CAMK2B: variants seen among roughly 807,000 people sequenced by gnomAD.
The protein encoded by CAMK2B is calcium/calmodulin dependent protein kinase II beta, also known as calcium/calmodulin-dependent protein kinase type II subunit beta.
In CAMK2B, 27 loss-of-function variants were observed where a neutral mutation model predicts 93.7. That is an observed-to-expected ratio of 0.29 (90% CI 0.21 to 0.40). The LOEUF is 0.40. Among genes scored for constraint, CAMK2B ranks in the 10% least tolerant of loss-of-function variants. The pLI, the probability that CAMK2B is intolerant of heterozygous loss-of-function variation, is 1.00. For synonymous variants in CAMK2B, 374 were observed against 358.8 expected (o/e 1.04, Z -0.48); for missense variants, 568 against 895.8 (o/e 0.63, Z 4.67).
chr7:44,280,732 G>A (rs1341046150), intron 2 of CAMK2B, among the ~76,000 whole-genome samples: 10 of 152,140 alleles, frequency 6.6e-5, no homozygotes, highest in Admixed American at 2.0e-4. Context: ...AGCAGCCTTC[G>A]TTCAACAGAA....
chr7:44,261,843 G>T (rs2096881435), intron 3 of CAMK2B, among the ~76,000 whole-genome samples: 1 of 152,202 alleles, frequency 6.6e-6, no homozygotes, highest in African/African-American at 2.4e-5. Context: ...AACAAATAAA[G>T]TCCTGGGTTA....
intron 1 of CAMK2B, among the ~76,000 whole-genome samples, chr7:44,301,955 C>T (rs1427379286): frequency 6.6e-6 from 1 of 151,476 alleles, no homozygotes; most frequent in Non-Finnish European, 1.5e-5. Context: ...ATCAACAAAG[C>T]CAACAGCTAG....
intron 3 of CAMK2B, among the ~76,000 whole-genome samples, chr7:44,261,108 T>C (rs1001038047): frequency 6.6e-6 from 1 of 152,204 alleles, no homozygotes; most frequent in Non-Finnish European, 1.5e-5. Context: ...TAGGCTCCCA[T>C]TCTACCCAGG....
chr7:44,239,035 A>G (rs1459079441), intron 13 of CAMK2B, among the ~76,000 whole-genome samples: 1 of 152,184 alleles, frequency 6.6e-6, no homozygotes, highest in Non-Finnish European at 1.5e-5. Flanking sequence ...CCCAAGAGGA[A>G]GCCTTGAAAG....
At chr7:44,303,282 A>T (rs975444071) in intron 1 of CAMK2B, among the ~76,000 whole-genome samples, 1 of 152,200 alleles carries the variant, frequency 6.6e-6, no homozygotes, top group Admixed American at 6.5e-5. Flanking sequence ...GAGGCATCCC[A>T]TGTTCATTAA....
chr7:44,235,447 G>T (rs753719527), intron 13 of CAMK2B, among the ~76,000 whole-genome samples: 1 of 152,182 alleles, frequency 6.6e-6, no homozygotes, highest in Non-Finnish European at 1.5e-5. Context: ...CCCAGCCCCC[G>T]GTGCCCACAC....
At chr7:44,322,521 TA>T (rs577052942) in intron 1 of CAMK2B, among the ~76,000 whole-genome samples, 1 of 152,156 alleles carries the variant, frequency 6.6e-6, no homozygotes, top group East Asian at 1.9e-4. Context: ...TTATCCAATA[TA>T]AAAAAAATAA....
chr7:44,274,252 G>A (rs1477765189), intron 2 of CAMK2B, among the ~76,000 whole-genome samples: 3 of 152,142 alleles, frequency 2.0e-5, no homozygotes, highest in African/African-American at 2.4e-5. Context: ...CCTCAGAGCC[G>A]CTGTGCAGAC....
At chr7:44,252,247 T>A (rs985143354) in intron 5 of CAMK2B, among the ~76,000 whole-genome samples, 1 of 151,756 alleles carries the variant, frequency 6.6e-6, no homozygotes, top group Non-Finnish European at 1.5e-5. Flanking sequence ...CCTGGGGCGG[T>A]GAGGGGTGCA....
rs76880722 is a variant in CAMK2B, at chr7:44,263,821, G to A, written c.161-757C>T. Reference sequence around the variant, plus strand: ...TCCACTGACAGAGGGAGGACTCCATGCGCTGCAGTCACACAGGGTCCCATA... The same window carrying A: ...TCCACTGACAGAGGGAGGACTCCATACGCTGCAGTCACACAGGGTCCCATA... On this transcript the variant is annotated intron_variant, in intron 2 of 23. Coordinates refer to ENST00000395749, the MANE Select transcript of CAMK2B (RefSeq NM_001220.5). 590 of 154,354 alleles carry A rather than the reference G, an allele frequency of 3.8e-3. 3 individuals carry two copies. The highest frequency in any genetic ancestry group is 0.013 in the African/African-American group (555 of 41,632). The allele number at this position is 154,354 out of a possible 1,614,324, so 9.6% of individuals were successfully genotyped here.
In CAMK2B at chr7:44,312,849, A is replaced by G. The variant is rs141929452; in HGVS notation, c.65+12508T>C. Among the ~76,000 whole-genome samples, 68 of 152,272 alleles carry G rather than the reference A, an allele frequency of 4.5e-4. No homozygotes were observed. The highest frequency in any genetic ancestry group is 1.4e-3 in the African/African-American group (57 of 41,544). ...GGCATGCAGAGGAGTTGTGAAAAGC[A>G]TCAAAATCACTGCTTTTCTCAGGGT... On this transcript the variant is annotated intron_variant, in intron 1 of 23. Transcript: ENST00000395749. The surrounding 1 kb of genome is among the most constrained non-coding windows in gnomAD (Gnocchi z 4.1).
Position 44,291,943 on chromosome 7 carries a change from G to A in CAMK2B, c.66-7718C>T, listed in dbSNP as rs926267045. ...AGGGCTCCCTAACCTGAGCTTCGGA[G>A]CCCAACAAGAGCTAAAGTCTTAACT... On this transcript the variant is annotated intron_variant, in intron 1 of 23. Coordinates refer to ENST00000395749, the MANE Select transcript of CAMK2B (RefSeq NM_001220.5). 2.4e-4 allele frequency among the ~76,000 whole-genome samples: 37 copies of A among 152,340 alleles called. 1 individual carries two copies. Among genetic ancestry groups the A allele is most frequent in the Non-Finnish European group, 3.7e-4 (25 of 68,034 alleles).
intron 1 of CAMK2B, among the ~76,000 whole-genome samples, chr7:44,291,759 A>C (rs1760437713): frequency 6.6e-6 from 1 of 152,224 alleles, no homozygotes; most frequent in African/African-American, 2.4e-5. Context: ...CCCTTCTCGA[A>C]AATGGCCTGC....
intron 2 of CAMK2B, among the ~76,000 whole-genome samples, chr7:44,277,796 C>T (rs1280834811): frequency 2.0e-5 from 3 of 151,734 alleles, no homozygotes; most frequent in Non-Finnish European, 3.0e-5. Flanking sequence ...TGGGTCCCCT[C>T]TCCATCCCCC....
intron 1 of CAMK2B, among the ~76,000 whole-genome samples, chr7:44,314,536 G>A (rs1226353816): frequency 2.0e-5 from 3 of 152,192 alleles, no homozygotes; most frequent in Admixed American, 2.0e-4. Context: ...TCAATCAGCT[G>A]GTGGACATCT....
At chr7:44,322,515 C>G (rs1249129297) in intron 1 of CAMK2B, among the ~76,000 whole-genome samples, 1 of 152,118 alleles carries the variant, frequency 6.6e-6, no homozygotes, top group Non-Finnish European at 1.5e-5. Flanking sequence ...TAAAGTTTAT[C>G]CAATATAAAA....
chr7:44,299,670 A>G lies in CAMK2B; in HGVS notation c.66-15445T>C, dbSNP rs535426614. On this transcript the variant is annotated intron_variant, in intron 1 of 23. Coordinates refer to ENST00000395749, the MANE Select transcript of CAMK2B (RefSeq NM_001220.5). ...ATCATTTTAGGATCAATAATTTGCA[A>G]TTGACCATTCTTTGTCCATTTCTGG... is the stretch of plus-strand genomic sequence containing the variant. Among the ~76,000 whole-genome samples, 110 of 152,326 alleles carry G rather than the reference A, an allele frequency of 7.2e-4. 1 individual carries two copies. Among genetic ancestry groups the G allele is most frequent in the African/African-American group, 2.6e-3 (109 of 41,582 alleles).
At chr7:44,277,437 G>A (rs566538579) in intron 2 of CAMK2B, among the ~76,000 whole-genome samples, 26 of 152,270 alleles carry the variant, frequency 1.7e-4, no homozygotes, top group African/African-American at 5.3e-4. Context: ...CGAGTATTTC[G>A]GTAAGTGGGG....
intron 13 of CAMK2B, among the ~76,000 whole-genome samples, chr7:44,238,006 G>C (rs1289539207): frequency 6.6e-6 from 1 of 152,212 alleles, no homozygotes; most frequent in South Asian, 2.1e-4. Context: ...TCTCTCTGCG[G>C]GCCGAGGGGG....
Sources: gnomAD v4.1 joint callset for allele counts (sites outside exome capture counted in the v4.1 genomes callset) on GRCh38, gnomAD v4.1.1 for gene constraint, Gnocchi (gnomAD v3.1) non-coding constraint, MANE v1.5 for transcripts, NCBI Gene and HGNC (gene_info 2026-07-23, HGNC 2026-07-21) for gene names.